The following MICU2 variants were observed in gnomAD, a reference collection of about 807,000 sequenced individuals.
MICU2 encodes the protein mitochondrial calcium uptake 2.
Under a neutral mutation model 60.4 loss-of-function variants are expected in MICU2, and 64 were observed. The observed-to-expected ratio is 1.06, with a 90% CI of 0.87 to 1.31. MICU2 has a LOEUF of 1.31. Ranked by LOEUF, MICU2 falls within the 50% of genes most tolerant of loss-of-function variation. The pLI, the probability that MICU2 is intolerant of heterozygous loss-of-function variation, is 0.00. For missense variants in MICU2, 569 were observed against 531.0 expected (o/e 1.07, Z -0.70); for synonymous variants, 201 against 175.0 (o/e 1.15, Z -1.17).
chr13:21,511,786 TAC>T (rs1886433848), intron 7 of MICU2, among the ~76,000 whole-genome samples: 1 of 152,120 alleles, frequency 6.6e-6, no homozygotes, highest in Admixed American at 6.5e-5. Flanking sequence ...AATAGAATCA[TAC>T]AGTTTGTAAC....
In MICU2 at chr13:21,509,940, TTC is replaced by T. The variant is rs199871320; in HGVS notation, c.761+62_761+63del. The T allele has an allele frequency of 4.0e-3, 3,613 of 908,622 alleles. 95 individuals carry two copies. The African/African-American group carries it at 0.057, about 14-fold the overall frequency. 56.3% of individuals were successfully genotyped at this position (908,622 alleles called of 1,614,324 possible). ...TCTGCAGTTCTAGAAAATGAATATA[TTC>T]TGTTTCTCTTTATTTCTTACCCATA... On this transcript the variant is annotated intron_variant, in intron 8 of 11. Coordinates refer to ENST00000382374, the MANE Select transcript of MICU2 (RefSeq NM_152726.3).
chr13:21,519,550 C>T (rs1195114626), intron 6 of MICU2, among the ~76,000 whole-genome samples: 1 of 152,166 alleles, frequency 6.6e-6, no homozygotes, highest in Admixed American at 6.5e-5. Flanking sequence ...AAACACTGCT[C>T]CCCAAGTCTC....
At chr13:21,564,578 G>A (rs1306171312) in intron 2 of MICU2, among the ~76,000 whole-genome samples, 5 of 152,092 alleles carry the variant, frequency 3.3e-5, no homozygotes, top group African/African-American at 4.8e-5. Flanking sequence ...CTTCAAAAGC[G>A]GTTCTCAGTT....
intron 7 of MICU2, among the ~76,000 whole-genome samples, chr13:21,512,445 ATTT>A (rs139822285): frequency 2.4e-5 from 3 of 125,226 alleles, no homozygotes; most frequent in Non-Finnish European, 1.7e-5. Flanking sequence ...CAAATTTTTA[ATTT>A]TTTTTTTTTT....
chr13:21,539,951 C>T (rs1342462062), intron 2 of MICU2, among the ~76,000 whole-genome samples: 1 of 152,110 alleles, frequency 6.6e-6, no homozygotes, highest in African/African-American at 2.4e-5. Flanking sequence ...TTGTATATAA[C>T]CATCTATGAT....
At chr13:21,578,986 G>A (rs979581977) in intron 1 of MICU2, among the ~76,000 whole-genome samples, 5 of 152,202 alleles carry the variant, frequency 3.3e-5, no homozygotes, top group South Asian at 2.1e-4. Flanking sequence ...CTGTAAATCT[G>A]AATGAATGAC....
chr13:21,574,554 T>A (rs1366496787), intron 1 of MICU2, among the ~76,000 whole-genome samples: 1 of 152,236 alleles, frequency 6.6e-6, no homozygotes, highest in Non-Finnish European at 1.5e-5. Context: ...CTCTACTTTT[T>A]ATCCATGAAG....
At chr13:21,537,050 C>CT (rs1418722545) in intron 4 of MICU2, among the ~76,000 whole-genome samples, 4 of 152,192 alleles carry the variant, frequency 2.6e-5, no homozygotes, top group Non-Finnish European at 5.9e-5. Context: ...TCACTGGCAG[C>CT]TTTCTCTCTA....
Position 21,539,644 on chromosome 13 carries a change from A to G in MICU2, c.390+13T>C, listed in dbSNP as rs2138001206. 1 of 1,613,984 alleles carries G rather than the reference A, an allele frequency of 6.2e-7. No individual in the cohort carries two copies. The highest frequency in any genetic ancestry group is 1.7e-4 in the Middle Eastern group (1 of 6,060). ...CCAAAAACAAACCCTGCCCCCCACAACATGATGCTTACCTTTTTTGTCAGC... is the reference window on the plus strand; with the variant it reads ...CCAAAAACAAACCCTGCCCCCCACAGCATGATGCTTACCTTTTTTGTCAGC... On this transcript the variant is annotated intron_variant, in intron 3 of 11. Transcript: ENST00000382374.
At chr13:21,532,678 G>A (rs557840554) in intron 4 of MICU2, among the ~76,000 whole-genome samples, 1 of 152,314 alleles carries the variant, frequency 6.6e-6, no homozygotes, top group East Asian at 1.9e-4. Context: ...GCCAAAACAA[G>A]GGGCTGTTCT....
At chr13:21,504,770 T>C (rs1290554051) in intron 8 of MICU2, among the ~76,000 whole-genome samples, 4 of 152,200 alleles carry the variant, frequency 2.6e-5, no homozygotes, top group Admixed American at 6.5e-5. Context: ...GCTGTGAGTC[T>C]ATCATGCATG....
At chr13:21,517,409 T>A (rs140375920) in intron 6 of MICU2, among the ~76,000 whole-genome samples, 1 of 152,176 alleles carries the variant, frequency 6.6e-6, no homozygotes, top group Non-Finnish European at 1.5e-5. Context: ...CTAAGATAAA[T>A]CCCTGCCTTT....
chr13:21,529,264 G>A lies in MICU2; in HGVS notation c.467-6614C>T, dbSNP rs536577921. Among the ~76,000 whole-genome samples, 12 of 152,294 alleles carry A rather than the reference G, an allele frequency of 7.9e-5. No individual in the cohort carries two copies. In the South Asian group the frequency reaches 2.3e-3, roughly 29 times the overall value. On this transcript the variant is annotated intron_variant, in intron 4 of 11. Coordinates refer to ENST00000382374, the MANE Select transcript of MICU2 (RefSeq NM_152726.3). ...TAAGATATTTCTTGGGTTTGGGTGAGTTAGATGAAAGCTTTTACTACCAAA... is the reference window on the plus strand; with the variant it reads ...TAAGATATTTCTTGGGTTTGGGTGAATTAGATGAAAGCTTTTACTACCAAA...
intron 9 of MICU2, among the ~76,000 whole-genome samples, chr13:21,500,800 T>C (rs967159104): frequency 6.6e-6 from 1 of 152,190 alleles, no homozygotes; most frequent in African/African-American, 2.4e-5. Flanking sequence ...TTCTTCATGT[T>C]AACTTTTTAT....
chr13:21,583,553 G>A (rs1450541370), intron 1 of MICU2, among the ~76,000 whole-genome samples: 1 of 152,202 alleles, frequency 6.6e-6, no homozygotes, highest in Non-Finnish European at 1.5e-5. Context: ...TGCTGGATCA[G>A]TTATCATCTG....
chr13:21,604,043 C>A lies in MICU2; in HGVS notation c.106G>T (p.Ala36Ser), dbSNP rs536733889. Reference sequence around the variant, plus strand: ...AGGGCCGCGCCGGCCACTGCCGCTGCCAAGGGGCCGGGACTCCGCACAGCC... The same window carrying A: ...AGGGCCGCGCCGGCCACTGCCGCTGACAAGGGGCCGGGACTCCGCACAGCC... ...RQAVRSPGPL[A>S]AAVAGAALAG... The change falls in exon 1 of 12, where the codon GCA (alanine) becomes TCA (serine). Residue 36 changes from alanine (A) to serine (S), a missense_variant. Coordinates refer to ENST00000382374, the MANE Select transcript of MICU2 (RefSeq NM_152726.3). 1 of 1,606,912 alleles carries A rather than the reference C, an allele frequency of 6.2e-7. No individual in the cohort carries two copies. Among genetic ancestry groups the A allele is most frequent in the African/African-American group, 1.3e-5 (1 of 74,628 alleles).
chr13:21,557,905 T>TA (rs1887747175), intron 2 of MICU2, among the ~76,000 whole-genome samples: 1 of 152,204 alleles, frequency 6.6e-6, no homozygotes, highest in African/African-American at 2.4e-5. Context: ...GTTCTTTGAA[T>TA]ATATTTACAA....
rs75071246 is a variant in MICU2 at position 21,545,400 on chromosome 13, G to A, written c.359-5712C>T. Among the ~76,000 whole-genome samples the A allele has an allele frequency of 3.9e-3, 592 of 152,330 alleles. 10 individuals are homozygous for A. The highest frequency in any genetic ancestry group is 0.013 in the African/African-American group (550 of 41,580). ...TGGAAGCTAAAAAAAGTTTATCTCA[G>A]CCGGGTGCAGTGGCTCACGCCTGTA... is the stretch of plus-strand genomic sequence containing the variant. On this transcript the variant is annotated intron_variant, in intron 2 of 11. Transcript: ENST00000382374.
intron 9 of MICU2, among the ~76,000 whole-genome samples, chr13:21,496,844 G>A (rs4770167): frequency 0.95 from 144,360 of 152,010 alleles, 68,688 homozygotes; most frequent in East Asian, 1. Context: ...TCACGAGGTC[G>A]GAAGATGGAG....
Sources: allele counts gnomAD v4.1 joint callset (sites outside exome capture counted in the v4.1 genomes callset), GRCh38; gene constraint gnomAD v4.1.1; transcripts MANE v1.5; gene names NCBI Gene and HGNC (gene_info 2026-07-23, HGNC 2026-07-21).